The following TACC2 variants were observed in gnomAD, a reference collection of about 807,000 sequenced individuals.
The protein encoded by TACC2 is transforming acidic coiled-coil-containing protein 2.
TACC2 carries 137 observed loss-of-function variants against 227.3 expected under a neutral mutation model. The observed-to-expected ratio is 0.60, with a 90% CI of 0.52 to 0.69. The LOEUF is 0.69. Among genes scored for constraint, TACC2 ranks in the 30% least tolerant of loss-of-function variants. The pLI is 0.00. For missense variants in TACC2, 3,470 were observed against 3,694.4 expected (o/e 0.94, Z 1.57); for synonymous variants, 1,523 against 1,487.5 (o/e 1.02, Z -0.55).
chr10:122,020,873 T>C (rs1957246762), intron 1 of TACC2, among the ~76,000 whole-genome samples: 1 of 152,086 alleles, frequency 6.6e-6, no homozygotes, highest in African/African-American at 2.4e-5. Flanking sequence ...TGGAATTCAG[T>C]TGGATGAGGT....
chr10:122,042,872 A>G (rs568704774), intron 2 of TACC2, among the ~76,000 whole-genome samples: 24 of 152,332 alleles, frequency 1.6e-4, no homozygotes, highest in African/African-American at 5.5e-4. Flanking sequence ...CAGGGATTCT[A>G]GAGGGGCAAA....
chr10:122,187,100 G>A (rs1050816738), intron 7 of TACC2, among the ~76,000 whole-genome samples: 11 of 152,182 alleles, frequency 7.2e-5, no homozygotes, highest in Admixed American at 1.3e-4. Flanking sequence ...TCTCTTTTGC[G>A]AGGAACCTGG....
Position 122,050,517 on chromosome 10 carries a change from C to G in TACC2, c.113C>G (p.Thr38Arg). The G allele has an allele frequency of 6.2e-7, 1 of 1,614,066 alleles. No homozygotes were observed. The highest frequency in any genetic ancestry group is 8.5e-7 in the Non-Finnish European group (1 of 1,180,016). Residue 38 changes from threonine (T) to arginine (R), a missense_variant, in exon 3 of 23, where the codon ACG (threonine) becomes AGG (arginine). Physicochemically the swap from Thr to Arg is moderately conservative, Grantham distance 71 (BLOSUM62 -1). Around this residue, in one of 10 missense-constraint regions of TACC2, gnomAD observed 405 missense variants for 389.6 expected, o/e 1.04. Coordinates refer to ENST00000369005, the MANE Select transcript of TACC2 (RefSeq NM_206862.4). The surrounding 1 kb of genome is among the most constrained non-coding windows in gnomAD (Gnocchi z 4.6). ...AATATAAAAAGGAAGCAGCAGGACA[C>G]GCCCGGAAGCCCTGACCACAGAGAC... Reference protein sequence around the residue: ...SQNIKRKQQDTPGSPDHRDAS... With the variant: ...SQNIKRKQQDRPGSPDHRDAS...
chr10:122,021,858 T>G, intron 1 of TACC2, 79 bp from the exon 2 acceptor site: 1 of 789,094 alleles, frequency 1.3e-6, no homozygotes, highest in Non-Finnish European at 2.2e-6. Flanking sequence ...GGCTTTTGAG[T>G]TTGGGGAGAT....
chr10:122,237,016 C>G (rs138598939), intron 16 of TACC2, among the ~76,000 whole-genome samples: 1 of 152,340 alleles, frequency 6.6e-6, no homozygotes, highest in African/African-American at 2.4e-5. Context: ...CAACATTATT[C>G]ACCATTGAGA....
chr10:122,016,429 T>C (rs1037929684), intron 1 of TACC2, among the ~76,000 whole-genome samples: 9 of 152,106 alleles, frequency 5.9e-5, no homozygotes, highest in African/African-American at 2.2e-4. Flanking sequence ...TAGCTGGGTG[T>C]GGTGGCACGT....
intron 7 of TACC2, among the ~76,000 whole-genome samples, chr10:122,188,454 A>G (rs772098075): frequency 4.0e-5 from 6 of 150,488 alleles, no homozygotes; most frequent in Non-Finnish European, 8.9e-5. Context: ...TAATCTTTGT[A>G]TTTTTCTTTT....
chr10:122,042,846 T>C (rs535536863), intron 2 of TACC2, among the ~76,000 whole-genome samples: 1 of 152,316 alleles, frequency 6.6e-6, no homozygotes, highest in Admixed American at 6.5e-5. Context: ...TGCTGTAGCA[T>C]GAAAATGAGT....
At chr10:122,048,018 G>A (rs2075230538) in intron 2 of TACC2, among the ~76,000 whole-genome samples, 1 of 152,176 alleles carries the variant, frequency 6.6e-6, no homozygotes, top group African/African-American at 2.4e-5. Flanking sequence ...GGGAACCTTA[G>A]CCAAAGCTAG....
chr10:122,028,351 A>G (rs1024204820), intron 2 of TACC2, among the ~76,000 whole-genome samples: 1 of 151,936 alleles, frequency 6.6e-6, no homozygotes, highest in Non-Finnish European at 1.5e-5. Flanking sequence ...CGGCCTCCCA[A>G]AGTGTTGGGA....
At chr10:122,193,511 C>T (rs573736255) in intron 7 of TACC2, among the ~76,000 whole-genome samples, 35 of 152,230 alleles carry the variant, frequency 2.3e-4, no homozygotes, top group African/African-American at 7.9e-4. Flanking sequence ...TTGGGTTGCA[C>T]GGCTCGGTGA....
chr10:122,011,814 T>C (rs1301509089), intron 1 of TACC2, among the ~76,000 whole-genome samples: 6 of 152,156 alleles, frequency 3.9e-5, no homozygotes. Context: ...ATTGAACAAA[T>C]ATTTATTGGA....
chr10:122,237,422 T>G lies in TACC2; in HGVS notation c.8155T>G (p.Ser2719Ala). ...AGAGGCTGCTCACCCAACAGACGTC[T>G]CCATCTCCAAAACAGCCTTGTACTC... ...KREAAHPTDV[S>A]ISKTALYSRI... The change falls in exon 17 of 23, where the codon TCC (serine) becomes GCC (alanine). Residue 2719 changes from serine to alanine, a missense_variant. Ser to Ala is a moderately conservative substitution (Grantham distance 99). Around this residue, in one of 10 missense-constraint regions of TACC2, gnomAD observed 345 missense variants for 354.4 expected, o/e 0.97. Coordinates refer to ENST00000369005, the MANE Select transcript of TACC2 (RefSeq NM_206862.4). 2.5e-6 allele frequency: 4 copies of G among 1,613,824 alleles called. No individual in the cohort carries two copies. The highest frequency in any genetic ancestry group is 1.6e-4 in the Middle Eastern group (1 of 6,062).
At chr10:122,172,750 G>A (rs2093537666) in intron 7 of TACC2, among the ~76,000 whole-genome samples, 1 of 152,128 alleles carries the variant, frequency 6.6e-6, no homozygotes, top group Non-Finnish European at 1.5e-5. Context: ...CTGGGGGAGT[G>A]AGGAGCATCC....
chr10:122,241,635 C>T, intron 18 of TACC2: 1 of 405,078 alleles, frequency 2.5e-6, no homozygotes, highest in Non-Finnish European at 4.5e-6. Flanking sequence ...GCTGTGTTGC[C>T]CAAGGTGGTC....
intron 5 of TACC2, among the ~76,000 whole-genome samples, chr10:122,089,534 A>G (rs985043603): frequency 6.6e-6 from 1 of 152,178 alleles, no homozygotes; most frequent in Admixed American, 6.5e-5. Context: ...GCTGCTGCTC[A>G]AGGTTTCATC....
At chr10:122,249,017 G>T in intron 20 of TACC2, 33 bp from the exon 21 acceptor site, 2 of 1,591,146 alleles carry the variant, frequency 1.3e-6, no homozygotes, top group South Asian at 1.1e-5. Context: ...GTTCTCGTGG[G>T]CTTGACGCCT....
rs548090242 is a variant in TACC2, at chr10:122,106,141, C to T, written c.5573+17550C>T. On this transcript the variant is annotated intron_variant, in intron 5 of 22. Transcript: ENST00000369005. ...TGGCTGGGTTTACAGGCGTCCACCA[C>T]CATGCCTGGCTAATTTTTGTATTTT... is the stretch of plus-strand genomic sequence containing the variant. Among the ~76,000 whole-genome samples the T allele has an allele frequency of 1.8e-4, 28 of 151,662 alleles. 1 individual carries two copies. Among genetic ancestry groups the T allele is most frequent in the African/African-American group, 5.8e-4 (24 of 41,312 alleles).
Position 122,180,297 on chromosome 10 carries a change from A to G in TACC2, c.5835-14743A>G, listed in dbSNP as rs1394556326. Reference sequence around the variant, plus strand: ...TCCCCCTCCCACCTCAGGGCTCTTCATCTTTTTGTTCTCCCTGCCTGAAAC... The same window carrying G: ...TCCCCCTCCCACCTCAGGGCTCTTCGTCTTTTTGTTCTCCCTGCCTGAAAC... On this transcript the variant is annotated intron_variant, in intron 7 of 22. Transcript: ENST00000369005. The surrounding 1 kb of genome is among the most constrained non-coding windows in gnomAD (Gnocchi z 4.5). Among the ~76,000 whole-genome samples the G allele has an allele frequency of 6.8e-6, 1 of 146,706 alleles. No individual in the cohort carries two copies. Among genetic ancestry groups the G allele is most frequent in the African/African-American group, 2.5e-5 (1 of 39,678 alleles).
Sources: gnomAD v4.1 joint callset for allele counts (sites outside exome capture counted in the v4.1 genomes callset) on GRCh38, gnomAD v4.1.1 for gene constraint, gnomAD v4.1.1 regional missense constraint, Gnocchi (gnomAD v3.1) non-coding constraint, MANE v1.5 for transcripts, NCBI Gene and HGNC (gene_info 2026-07-23, HGNC 2026-07-21) for gene names.